CDH18: variants seen among roughly 807,000 people sequenced by gnomAD.
CDH18 encodes cadherin 18.
In CDH18, 31 loss-of-function variants were observed where a neutral mutation model predicts 67.9. The ratio of observed to expected loss-of-function variants is 0.46; its 90% CI spans 0.34 to 0.62. CDH18 has a LOEUF of 0.62. CDH18 is among the 20% of genes least tolerant of loss of function. The probability of loss-of-function intolerance (pLI) is 0.01; values close to 1 mark genes in which losing one functional copy is unlikely to be tolerated. For synonymous variants in CDH18, 362 were observed against 347.2 expected, an observed-to-expected ratio of 1.04 and a Z score of -0.48; for missense variants, 890 against 975.5, an observed-to-expected ratio of 0.91 and a Z score of 1.17.
At position 20,376,874 on chromosome 5, in the gene CDH18, G is replaced by A. The variant is rs138547224; in HGVS notation, c.-579-121369C>T. Among the ~76,000 whole-genome samples the A allele has an allele frequency of 4.1e-3, 630 of 152,108 alleles. 8 individuals are homozygous for A. The highest frequency in any genetic ancestry group is 0.014 in the African/African-American group (593 of 41,488). ...TCTACTAAAAGTACTAAAATTAGCC[G>A]GGCGTGGTGGCAGGTGGCTGTAGTC... On this transcript the variant is annotated intron_variant, in intron 1 of 14. Coordinates refer to the CDH18 transcript ENST00000507958.
intron 3 of CDH18, among the ~76,000 whole-genome samples, chr5:19,759,003 C>G (rs1461064636): frequency 6.6e-6 from 1 of 152,184 alleles, no homozygotes; most frequent in Admixed American, 6.5e-5. Context: ...GGTAGGACAG[C>G]AAAGGTATAT....
chr5:19,994,829 A>AATAT lies in CDH18; in HGVS notation c.-517-2819_-517-2816dup, dbSNP rs1554078421. On this transcript the variant is annotated intron_variant, in intron 2 of 14. Coordinates refer to the CDH18 transcript ENST00000507958. ...TGTCTCTGTGTGTATATATAAAGAG[A>AATAT]ATATATATATATATATATATATATA... Among the ~76,000 whole-genome samples, 192 of 21,024 alleles carry AATAT rather than the reference A, an allele frequency of 9.1e-3. 4 individuals are homozygous for AATAT. The highest frequency in any genetic ancestry group is 0.014 in the Admixed American group (17 of 1,186). The allele number at this position is 21,024 out of a possible 152,430, so 13.8% of individuals were successfully genotyped here.
rs545219440 is a variant in CDH18 at position 19,963,670 on chromosome 5, C to G, written c.-257+17390G>C. On this transcript the variant is annotated intron_variant, in intron 2 of 12. Transcript: ENST00000382275. Reference sequence around the variant, plus strand: ...GTTTCCTGAGGCCTCCCCAGCCATGCTGAACTGTGAGTCAATTAAACTTCT... The same window carrying G: ...GTTTCCTGAGGCCTCCCCAGCCATGGTGAACTGTGAGTCAATTAAACTTCT... Among the ~76,000 whole-genome samples, 5 of 152,198 alleles carry G rather than the reference C, an allele frequency of 3.3e-5. No individual in the cohort carries two copies. The South Asian group carries it at 1.0e-3, about 32-fold the overall frequency.
chr5:20,264,564 G>A (rs1744891663), intron 1 of CDH18, among the ~76,000 whole-genome samples: 1 of 152,018 alleles, frequency 6.6e-6, no homozygotes, highest in Middle Eastern at 3.4e-3. Flanking sequence ...CACGTAAAAT[G>A]CAATTGGAAA....
intron 11 of CDH18, among the ~76,000 whole-genome samples, chr5:19,491,873 C>A (rs761914464): frequency 1.1e-4 from 17 of 151,860 alleles, no homozygotes; most frequent in Middle Eastern, 3.4e-3. Flanking sequence ...AATAATGACA[C>A]TCCAAGAAAT....
intron 2 of CDH18, among the ~76,000 whole-genome samples, chr5:20,172,252 A>ATATATACATGTATATATATG: frequency 1.5e-5 from 2 of 135,312 alleles, no homozygotes; most frequent in African/African-American, 5.6e-5. Flanking sequence ...ATATATATAT[A>ATATATACATGTATATATATG]TATATCTCCT....
chr5:19,797,881 G>A (rs1333606984), intron 3 of CDH18, among the ~76,000 whole-genome samples: 2 of 152,034 alleles, frequency 1.3e-5, no homozygotes, highest in East Asian at 3.9e-4. Flanking sequence ...AAACACTCTT[G>A]ATGAGGAAGA....
Position 20,370,835 on chromosome 5 carries a change from G to A in CDH18, c.-579-115330C>T, listed in dbSNP as rs185843724. On this transcript the variant is annotated intron_variant, in intron 1 of 14. Coordinates refer to the CDH18 transcript ENST00000507958. ...AGGAGGATCATGAGGTCAGGAGTTC[G>A]AGACTAGCCTGGCCAACATGATGAA... 6.6e-4 allele frequency among the ~76,000 whole-genome samples: 100 copies of A among 152,050 alleles called. 1 individual carries two copies. The highest frequency in any genetic ancestry group is 2.0e-3 in the African/African-American group (81 of 41,444).
chr5:19,786,423 A>C (rs1349556044), intron 3 of CDH18, among the ~76,000 whole-genome samples: 1 of 152,082 alleles, frequency 6.6e-6, no homozygotes, highest in Admixed American at 6.6e-5. Context: ...CTTCACCTCC[A>C]TTTTTAGGCT....
chr5:20,419,976 A>C (rs138660953), intron 1 of CDH18, among the ~76,000 whole-genome samples: 7 of 151,058 alleles, frequency 4.6e-5, no homozygotes, highest in Admixed American at 4.6e-4. Flanking sequence ...TTCTGGTAAT[A>C]TATTTTCGAT....
chr5:19,495,267 G>T (rs1742099588), intron 11 of CDH18, among the ~76,000 whole-genome samples: 1 of 152,122 alleles, frequency 6.6e-6, no homozygotes, highest in African/African-American at 2.4e-5. Context: ...TCATCTTCAT[G>T]ATAATTAGAC....
chr5:19,815,340 CTATG>C (rs1380783836), intron 3 of CDH18, among the ~76,000 whole-genome samples: 1 of 151,882 alleles, frequency 6.6e-6, no homozygotes, highest in Non-Finnish European at 1.5e-5. Context: ...TTCAAGGAAG[CTATG>C]AAAACATGTT....
chr5:19,905,396 G>T (rs902013279), intron 2 of CDH18, among the ~76,000 whole-genome samples: 2 of 151,782 alleles, frequency 1.3e-5, no homozygotes, highest in African/African-American at 4.8e-5. Flanking sequence ...GAAATGGCTT[G>T]CAAATACTTT....
intron 1 of CDH18, among the ~76,000 whole-genome samples, chr5:20,384,148 C>A (rs1347415051): frequency 6.6e-6 from 1 of 152,054 alleles, no homozygotes; most frequent in East Asian, 1.9e-4. Flanking sequence ...ACTGTAATAA[C>A]AATACAGTAT....
At position 20,303,317 on chromosome 5, in the gene CDH18, C is replaced by T. The variant is rs187411413; in HGVS notation, c.-579-47812G>A. On this transcript the variant is annotated intron_variant, in intron 1 of 14. Transcript: ENST00000507958. ...CTTTTAAACCCATTCCTGGCAATCC[C>T]CCTATATCTTCATTTTGTCTTTGGG... Among the ~76,000 whole-genome samples the T allele has an allele frequency of 2.0e-5, 3 of 152,194 alleles. No homozygotes were observed. In the East Asian group the frequency reaches 5.8e-4, roughly 29 times the overall value.
chr5:20,257,667 CA>C, intron 1 of CDH18, among the ~76,000 whole-genome samples: 1 of 152,224 alleles, frequency 6.6e-6, no homozygotes, highest in African/African-American at 2.4e-5. Flanking sequence ...CACCAATAAA[CA>C]ATTCAATTTC....
intron 2 of CDH18, among the ~76,000 whole-genome samples, chr5:19,898,902 T>A (rs188678897): frequency 1.3e-5 from 2 of 152,182 alleles, no homozygotes; most frequent in Non-Finnish European, 2.9e-5. Flanking sequence ...TTGAAAATCA[T>A]ATATCTGTTA....
At chr5:20,270,168 A>T (rs989840771) in intron 1 of CDH18, among the ~76,000 whole-genome samples, 1 of 151,778 alleles carries the variant, frequency 6.6e-6, no homozygotes, top group Non-Finnish European at 1.5e-5. Flanking sequence ...TAAAAAAAAA[A>T]GAATAAAGAC....
chr5:19,744,902 A>G (rs906460520), intron 4 of CDH18, among the ~76,000 whole-genome samples: 2 of 149,952 alleles, frequency 1.3e-5, no homozygotes, highest in African/African-American at 4.8e-5. Context: ...GGATTTTCCT[A>G]TGTTTGATTC....
Sources: allele counts gnomAD v4.1 joint callset (sites outside exome capture counted in the v4.1 genomes callset), GRCh38; gene constraint gnomAD v4.1.1; transcripts MANE v1.5; gene names NCBI Gene and HGNC (gene_info 2026-07-23, HGNC 2026-07-21).